The following BBS4 variants were observed in gnomAD, a reference collection of about 807,000 sequenced individuals.
BBS4 encodes BBSome complex member BBS4.
BBS4 carries 58 observed loss-of-function variants against 71.4 expected under a neutral mutation model. That is an observed-to-expected ratio of 0.81 (90% CI 0.66 to 1.01). The LOEUF is 1.01. BBS4 is among the 50% of genes least tolerant of loss of function. The pLI is 0.00. For synonymous variants in BBS4, 228 were observed against 216.8 expected, an observed-to-expected ratio of 1.05 and a Z score of -0.46; for missense variants, 660 against 607.9, an observed-to-expected ratio of 1.09 and a Z score of -0.90.
At chr15:72,695,298 T>TA (rs1411297534) in intron 2 of BBS4, 70 bp downstream of exon 2, 2 of 1,172,474 alleles carry the variant, frequency 1.7e-6, no homozygotes, top group Non-Finnish European at 2.4e-6. Flanking sequence ...TTTATTTATT[T>TA]TTTTTTTTGG....
chr15:72,694,551 A>T (rs778293660), intron 1 of BBS4, among the ~76,000 whole-genome samples: 1 of 152,134 alleles, frequency 6.6e-6, no homozygotes, highest in Non-Finnish European at 1.5e-5. Flanking sequence ...GCTATGATGT[A>T]TCTAAGTATG....
chr15:72,728,133 A>G, intron 9 of BBS4, 139 bp downstream of exon 9: 1 of 669,548 alleles, frequency 1.5e-6, no homozygotes, highest in Non-Finnish European at 2.7e-6. Flanking sequence ...TCTCTATTCG[A>G]TACTCTTTGC....
chr15:72,724,446 A>C (rs1323576395), intron 7 of BBS4, 82 bp from the exon 8 acceptor site: 7 of 1,584,392 alleles, frequency 4.4e-6, no homozygotes, highest in African/African-American at 1.3e-5. Context: ...TACAGCAGAA[A>C]GTGTCTTTAC....
Position 72,686,829 on chromosome 15 carries a change from G to T in BBS4, c.24+578G>T, listed in dbSNP as rs558888607. 20 of 336,180 alleles carry T rather than the reference G, an allele frequency of 5.9e-5. No homozygotes were observed. The East Asian group carries it at 1.6e-3, about 26-fold the overall frequency. 20.8% of individuals were successfully genotyped at this position (336,180 alleles called of 1,614,324 possible). ...TTTTTGAGGCATATATCTATAATTG[G>T]ATCTAATTTCGGTAAAGTGCCAAGT... On this transcript the variant is annotated intron_variant, in intron 1 of 15. Transcript: ENST00000268057.
intron 2 of BBS4, among the ~76,000 whole-genome samples, chr15:72,704,976 C>T (rs2065237859): frequency 6.6e-6 from 1 of 152,092 alleles, no homozygotes; most frequent in African/African-American, 2.4e-5. Context: ...ATGTACCAGG[C>T]ACTATTTGAA....
chr15:72,689,474 T>C (rs1429576311), intron 1 of BBS4, among the ~76,000 whole-genome samples: 1 of 152,230 alleles, frequency 6.6e-6, no homozygotes, highest in Admixed American at 6.5e-5. Context: ...GGCTCATGCC[T>C]GTAATGCCAG....
rs8030355 is a variant in BBS4, at chr15:72,705,562, C to T, written c.77-4138C>T. On this transcript the variant is annotated intron_variant, in intron 2 of 15. Coordinates refer to ENST00000268057, the MANE Select transcript of BBS4 (RefSeq NM_033028.5). ...AACACTTTTTTCTCCAGCTTTCACT[C>T]AAGAAACACAAAACATGGCTTGTCC... is the stretch of plus-strand genomic sequence containing the variant. Among the ~76,000 whole-genome samples the T allele has an allele frequency of 4.9e-3, 704 of 145,126 alleles. 3 individuals carry two copies. The highest frequency in any genetic ancestry group is 0.017 in the African/African-American group (683 of 39,648).
At chr15:72,705,343 A>G (rs896043075) in intron 2 of BBS4, among the ~76,000 whole-genome samples, 2 of 152,178 alleles carry the variant, frequency 1.3e-5, no homozygotes, top group African/African-American at 4.8e-5. Flanking sequence ...CAGGTCACAC[A>G]TTTGGTAATA....
Position 72,728,911 on chromosome 15 carries a change from A to G in BBS4, c.643-705A>G, listed in dbSNP as rs191595569. ...CTTTATGTCTATTTCATTTTTCTTT[A>G]AAAGGAATCAGGAGCTTAACCCTGG... is the stretch of plus-strand genomic sequence containing the variant. On this transcript the variant is annotated intron_variant, in intron 9 of 15. Transcript: ENST00000268057. 2.8e-4 allele frequency among the ~76,000 whole-genome samples: 42 copies of G among 152,180 alleles called. No homozygotes were observed. In the East Asian group the frequency reaches 7.7e-3, roughly 28 times the overall value.
intron 4 of BBS4, among the ~76,000 whole-genome samples, chr15:72,714,143 G>A (rs562510851): frequency 2.0e-5 from 3 of 150,096 alleles, no homozygotes; most frequent in African/African-American, 4.9e-5. Context: ...ATGAGGGGAA[G>A]AAGCCTGGAA....
chr15:72,731,960 C>A (rs1354893438), intron 12 of BBS4, among the ~76,000 whole-genome samples: 1 of 152,090 alleles, frequency 6.6e-6, no homozygotes, highest in African/African-American at 2.4e-5. Flanking sequence ...AAAGATCATC[C>A]CTAGTTCACC....
rs542963162 is a variant in BBS4 at position 72,735,689 on chromosome 15, G to A, written c.1107-136G>A. 344 of 1,102,036 alleles carry A rather than the reference G, an allele frequency of 3.1e-4. 2 individuals are homozygous for A. The highest frequency in any genetic ancestry group is 8.5e-5 in the Admixed American group (5 of 59,110). The allele number at this position is 1,102,036 out of a possible 1,614,324, so 68.3% of individuals were successfully genotyped here. A position where few individuals can be genotyped will look rare whatever the true frequency, so the allele number is the denominator to read the frequency against. ...TCTTCTCCACAGGTCTGCTTAGCAC[G>A]TATGTACCTACCTTGCTGCATAATG... On this transcript the variant is annotated intron_variant, in intron 13 of 15. Coordinates refer to ENST00000268057, the MANE Select transcript of BBS4 (RefSeq NM_033028.5).
rs2151054572 is a variant in BBS4 at position 72,735,711 on chromosome 15, AATGG to A, written c.1107-112_1107-109del. The A allele has an allele frequency of 2.2e-6, 3 of 1,336,794 alleles. No individual in the cohort carries two copies. The South Asian group carries it at 3.5e-5, about 16-fold the overall frequency. 82.8% of individuals were successfully genotyped at this position (1,336,794 alleles called of 1,614,324 possible). A position where few individuals can be genotyped will look rare whatever the true frequency, so the allele number is the denominator to read the frequency against. On this transcript the variant is annotated intron_variant, in intron 13 of 15. Transcript: ENST00000268057. ...CACGTATGTACCTACCTTGCTGCATAATGGAGAAATCTCTACTTAACCAGTTTTG... is the reference window on the plus strand; with the variant it reads ...CACGTATGTACCTACCTTGCTGCATAAGAAATCTCTACTTAACCAGTTTTG...
In BBS4 at chr15:72,722,710, C is replaced by G. The variant is rs899185799; in HGVS notation, c.406-84C>G. 7.8e-6 allele frequency: 10 copies of G among 1,280,388 alleles called. No individual in the cohort carries two copies. In the African/African-American group the frequency reaches 1.2e-4, roughly 15 times the overall value. The allele number at this position is 1,280,388 out of a possible 1,614,324, so 79.3% of individuals were successfully genotyped here. Reference sequence around the variant, plus strand: ...AAGTTTAAACCTTGCCGAGCAATAACAATCTCTAGATGTCTGTTGTTTCAC... The same window carrying G: ...AAGTTTAAACCTTGCCGAGCAATAAGAATCTCTAGATGTCTGTTGTTTCAC... On this transcript the variant is annotated intron_variant, in intron 6 of 15. Transcript: ENST00000268057.
At chr15:72,715,833 A>T (rs1458149818) in intron 5 of BBS4, among the ~76,000 whole-genome samples, 3 of 152,208 alleles carry the variant, frequency 2.0e-5, no homozygotes. Context: ...CTTTACAATG[A>T]TGTAAAATTG....
intron 2 of BBS4, among the ~76,000 whole-genome samples, chr15:72,700,552 C>G (rs962511009): frequency 3.3e-5 from 5 of 152,110 alleles, no homozygotes; most frequent in African/African-American, 1.2e-4. Context: ...ATGTTGAACA[C>G]CTTTTCATAT....
chr15:72,702,899 C>T (rs1367647988), intron 2 of BBS4, among the ~76,000 whole-genome samples: 3 of 146,926 alleles, frequency 2.0e-5, no homozygotes, highest in Non-Finnish European at 4.5e-5. Context: ...GCTCCGCCTT[C>T]CGGGTTCACG....
At chr15:72,688,992 T>A (rs1049841512) in intron 1 of BBS4, among the ~76,000 whole-genome samples, 3 of 152,132 alleles carry the variant, frequency 2.0e-5, no homozygotes, top group Admixed American at 2.0e-4. Flanking sequence ...CCTTTCTTTC[T>A]TCTGCCTATT....
chr15:72,694,354 C>G (rs1309428544), intron 1 of BBS4, among the ~76,000 whole-genome samples: 1 of 151,942 alleles, frequency 6.6e-6, no homozygotes, highest in African/African-American at 2.4e-5. Flanking sequence ...CCATGCCGAG[C>G]TAATTTTTGT....
Sources: gnomAD v4.1 joint callset for allele counts (sites outside exome capture counted in the v4.1 genomes callset) on GRCh38, gnomAD v4.1.1 for gene constraint, MANE v1.5 for transcripts, NCBI Gene and HGNC (gene_info 2026-07-23, HGNC 2026-07-21) for gene names.